The following SSX2IP variants were observed in gnomAD, a reference collection of about 807,000 sequenced individuals.
SSX2IP encodes the protein afadin- and alpha-actinin-binding protein.
Under a neutral mutation model 84.9 loss-of-function variants are expected in SSX2IP, and 55 were observed. The observed-to-expected ratio is 0.65, with a 90% CI of 0.52 to 0.81. The LOEUF is 0.81. SSX2IP is among the 30% of genes least tolerant of loss of function. The pLI, the probability that SSX2IP is intolerant of heterozygous loss-of-function variation, is 0.00. For synonymous variants in SSX2IP, 239 were observed against 234.7 expected (o/e 1.02, Z -0.17); for missense variants, 664 against 705.2 (o/e 0.94, Z 0.66).
In SSX2IP at chr1:84,644,971, T is replaced by C. The variant is rs1649305295; in HGVS notation, c.*2462A>G. Reference sequence around the variant, plus strand: ...TCATCATAGACTGCAGATGCAAACATTTAATGGTGAACAAAATGTTTATCT... The same window carrying C: ...TCATCATAGACTGCAGATGCAAACACTTAATGGTGAACAAAATGTTTATCT... On this transcript the variant is annotated 3_prime_UTR_variant, in exon 14 of 14. Transcript: ENST00000342203. The C allele has an allele frequency of 6.6e-6, 1 of 152,230 alleles. No individual in the cohort carries two copies. Among genetic ancestry groups the C allele is most frequent in the Non-Finnish European group, 1.5e-5 (1 of 68,042 alleles). 9.4% of individuals were successfully genotyped at this position (152,230 alleles called of 1,614,324 possible). A position where few individuals can be genotyped will look rare whatever the true frequency, so the allele number is the denominator to read the frequency against.
chr1:84,660,162 C>T (rs1219382780), intron 8 of SSX2IP, among the ~76,000 whole-genome samples: 1 of 152,066 alleles, frequency 6.6e-6, no homozygotes, highest in East Asian at 1.9e-4. Context: ...TCTTTCCCTA[C>T]AAAAATTAAA....
In SSX2IP at chr1:84,671,202, A is replaced by C; in HGVS notation, c.18T>G (p.Thr6=). 1 of 1,611,838 alleles carries C rather than the reference A, an allele frequency of 6.2e-7. No homozygotes were observed. Residue 6 remains threonine, a synonymous_variant, in exon 2 of 14, where the codon ACT becomes ACG. Transcript: ENST00000342203. MGDWM[T]VTDPGLSSES... is the part of the protein sequence containing the mutation. The stretch of plus-strand genomic sequence containing the variant: ...CTGAAGACAGACCTGGATCTGTAAC[A>C]GTCATCCAATCTCCCATAGCAATCT...
chr1:84,681,535 G>A lies in SSX2IP; in HGVS notation c.-90+8836C>T, dbSNP rs186803843. Among the ~76,000 whole-genome samples the A allele has an allele frequency of 1.1e-3, 166 of 152,240 alleles. 3 individuals are homozygous for A. The highest frequency in any genetic ancestry group is 0.011 in the Admixed American group (164 of 15,284). On this transcript the variant is annotated intron_variant, in intron 1 of 13. Transcript: ENST00000342203. ...ACACTTCTTGGGATGGAATAATTTGGGTACAGGGAGGGGTAGAAGAGCAGG... is the reference window on the plus strand; with the variant it reads ...ACACTTCTTGGGATGGAATAATTTGAGTACAGGGAGGGGTAGAAGAGCAGG...
chr1:84,682,970 T>C (rs1328815506), intron 1 of SSX2IP, among the ~76,000 whole-genome samples: 2 of 152,202 alleles, frequency 1.3e-5, no homozygotes, highest in African/African-American at 2.4e-5. Context: ...AATCTTACAA[T>C]GATCCAAATA....
chr1:84,671,530 T>C (rs907959556), intron 1 of SSX2IP, among the ~76,000 whole-genome samples: 2 of 152,204 alleles, frequency 1.3e-5, no homozygotes, highest in Non-Finnish European at 2.9e-5. Context: ...GAGGTATTCA[T>C]ATTACTTTAT....
intron 11 of SSX2IP, among the ~76,000 whole-genome samples, chr1:84,653,491 A>T (rs1650629905): frequency 6.6e-6 from 1 of 152,224 alleles, no homozygotes; most frequent in Non-Finnish European, 1.5e-5. Context: ...CAGTGACCAG[A>T]CGGAGAAAAA....
intron 1 of SSX2IP, among the ~76,000 whole-genome samples, chr1:84,688,510 A>AG (rs1656108965): frequency 1.3e-5 from 2 of 152,330 alleles, no homozygotes; most frequent in South Asian, 2.1e-4. Flanking sequence ...TAATTTCTCT[A>AG]GGGGTATACT....
At chr1:84,679,952 T>C (rs558598500) in intron 1 of SSX2IP, among the ~76,000 whole-genome samples, 193 of 152,296 alleles carry the variant, frequency 1.3e-3, no homozygotes, top group Admixed American at 2.2e-3. Flanking sequence ...CCCATTCTCT[T>C]AACCATCACA....
intron 8 of SSX2IP, among the ~76,000 whole-genome samples, chr1:84,659,852 C>T (rs1651676581): frequency 6.7e-6 from 1 of 149,086 alleles, no homozygotes; most frequent in East Asian, 2.0e-4. Context: ...TCAGATTGAA[C>T]AGAACTCTCT....
intron 1 of SSX2IP, among the ~76,000 whole-genome samples, chr1:84,675,555 C>T (rs925902697): frequency 1.3e-5 from 2 of 152,132 alleles, no homozygotes; most frequent in African/African-American, 4.8e-5. Flanking sequence ...CCTTGTGGGC[C>T]TCAAGGTTTT....
intron 1 of SSX2IP, among the ~76,000 whole-genome samples, chr1:84,678,338 C>G: frequency 6.6e-6 from 1 of 152,168 alleles, no homozygotes; most frequent in Non-Finnish European, 1.5e-5. Context: ...TCACTTCAGC[C>G]TCTGTGCCTC....
intron 6 of SSX2IP, among the ~76,000 whole-genome samples, chr1:84,664,050 T>A (rs552744495): frequency 1.3e-5 from 2 of 152,300 alleles, no homozygotes; most frequent in African/African-American, 4.8e-5. Context: ...TTTGGTCTGA[T>A]GAAAAATTTT....
In SSX2IP at chr1:84,646,443, A is replaced by T. The variant is rs924000169; in HGVS notation, c.*990T>A. On this transcript the variant is annotated 3_prime_UTR_variant, in exon 14 of 14. Transcript: ENST00000342203. ...TCAGTGGTAAATACCTCATTAAAAAATTATTAAAAAATTATTGACAATACA... is the reference window on the plus strand; with the variant it reads ...TCAGTGGTAAATACCTCATTAAAAATTTATTAAAAAATTATTGACAATACA... 1 of 152,572 alleles carries T rather than the reference A, an allele frequency of 6.6e-6. No homozygotes were observed. The highest frequency in any genetic ancestry group is 2.4e-5 in the African/African-American group (1 of 41,416). The allele number at this position is 152,572 out of a possible 1,614,324, so 9.5% of individuals were successfully genotyped here. A position where few individuals can be genotyped will look rare whatever the true frequency, so the allele number is the denominator to read the frequency against.
intron 1 of SSX2IP, among the ~76,000 whole-genome samples, chr1:84,672,666 C>A (rs982278669): frequency 1.4e-4 from 22 of 152,142 alleles, no homozygotes; most frequent in African/African-American, 4.6e-4. Flanking sequence ...GACTGTGGAT[C>A]AAGAGTTCAC....
At chr1:84,661,546 A>G (rs1202441506) in intron 8 of SSX2IP, among the ~76,000 whole-genome samples, 1 of 152,206 alleles carries the variant, frequency 6.6e-6, no homozygotes, top group African/African-American at 2.4e-5. Flanking sequence ...TAACACATGT[A>G]ATAATCACTT....
intron 1 of SSX2IP, 91 bp downstream of exon 1, chr1:84,690,280 G>C (rs1413342811): frequency 6.6e-6 from 1 of 151,432 alleles, no homozygotes; most frequent in African/African-American, 2.4e-5. Context: ...TCTCACCTCC[G>C]CGCGCGCCCG....
Position 84,644,856 on chromosome 1 carries a change from T to C in SSX2IP, c.*2577A>G, listed in dbSNP as rs1649291828. 1 of 152,266 alleles carries C rather than the reference T, an allele frequency of 6.6e-6. No homozygotes were observed. Among genetic ancestry groups the C allele is most frequent in the African/African-American group, 2.4e-5 (1 of 41,474 alleles). 9.4% of individuals were successfully genotyped at this position (152,266 alleles called of 1,614,324 possible). On this transcript the variant is annotated 3_prime_UTR_variant, in exon 14 of 14. Transcript: ENST00000342203. ...TATGCCATGTAAGTAAACAATTTGC[T>C]GTGAACTGTCCTGTGTATCTAATCA... is the stretch of plus-strand genomic sequence containing the variant.
intron 11 of SSX2IP, among the ~76,000 whole-genome samples, chr1:84,654,647 A>G (rs1307701553): frequency 6.6e-6 from 1 of 152,172 alleles, no homozygotes; most frequent in Non-Finnish European, 1.5e-5. Flanking sequence ...AAAAGAATTC[A>G]CTAGATAGTG....
intron 11 of SSX2IP, among the ~76,000 whole-genome samples, chr1:84,653,770 A>C (rs1306807944): frequency 6.6e-6 from 1 of 152,212 alleles, no homozygotes; most frequent in Non-Finnish European, 1.5e-5. Flanking sequence ...AACATTGAGA[A>C]AACTAATATA....
Sources: gnomAD v4.1 joint callset for allele counts (sites outside exome capture counted in the v4.1 genomes callset) on GRCh38, gnomAD v4.1.1 for gene constraint, MANE v1.5 for transcripts, NCBI Gene and HGNC (gene_info 2026-07-23, HGNC 2026-07-21) for gene names.